Variants in FYN observed in about 807,000 individuals in gnomAD.
The protein encoded by FYN is FYN proto-oncogene, Src family tyrosine kinase, also known as tyrosine-protein kinase Fyn.
FYN carries 10 observed loss-of-function variants against 70.2 expected under a neutral mutation model. The observed-to-expected ratio is 0.14, with a 90% confidence interval of 0.09 to 0.24. The LOEUF is 0.24. Among genes scored for constraint, FYN ranks in the 10% least tolerant of loss-of-function variants. The pLI is 1.00. For synonymous variants in FYN, 236 were observed against 248.6 expected, an observed-to-expected ratio of 0.95 and a Z score of 0.48; for missense variants, 319 against 673.1, an observed-to-expected ratio of 0.47 and a Z score of 5.82.
At chr6:111,797,208 A>G (rs1278353682) in intron 2 of FYN, among the ~76,000 whole-genome samples, 1 of 152,228 alleles carries the variant, frequency 6.6e-6, no homozygotes, top group Non-Finnish European at 1.5e-5. Context: ...TTTTAGTTAA[A>G]TCAAATGGGA....
At chr6:111,709,754 C>T (rs991729174) in intron 5 of FYN, among the ~76,000 whole-genome samples, 1 of 152,018 alleles carries the variant, frequency 6.6e-6, no homozygotes, top group African/African-American at 2.4e-5. Flanking sequence ...TATATGAACC[C>T]CGTGAACCCA....
intron 12 of FYN, among the ~76,000 whole-genome samples, chr6:111,677,881 T>C (rs1045546834): frequency 1.3e-5 from 2 of 152,132 alleles, no homozygotes; most frequent in Non-Finnish European, 2.9e-5. Context: ...GATTTAGATA[T>C]GAAAACAGTT....
At chr6:111,715,597 G>A (rs1286476258) in intron 4 of FYN, among the ~76,000 whole-genome samples, 1 of 152,052 alleles carries the variant, frequency 6.6e-6, no homozygotes, top group Non-Finnish European at 1.5e-5. Context: ...CTTTGATGAA[G>A]CAAGGCGCCA....
intron 2 of FYN, among the ~76,000 whole-genome samples, chr6:111,822,867 G>A (rs2114373861): frequency 6.6e-6 from 1 of 152,196 alleles, no homozygotes; most frequent in East Asian, 1.9e-4. Flanking sequence ...TGTCAAAGAG[G>A]CAGAGGAGCA....
intron 3 of FYN, among the ~76,000 whole-genome samples, chr6:111,749,599 T>G (rs1355283118): frequency 1.3e-5 from 2 of 152,212 alleles, no homozygotes; most frequent in Non-Finnish European, 2.9e-5. Context: ...CTACCCTATT[T>G]CTTTTCATGT....
intron 1 of FYN, among the ~76,000 whole-genome samples, 188 bp downstream of exon 1, chr6:111,872,780 G>A (rs1020232694): frequency 6.6e-6 from 1 of 151,794 alleles, no homozygotes; most frequent in African/African-American, 2.4e-5. Flanking sequence ...CCGCAGGGGT[G>A]TCCTCCGGTG....
chr6:111,726,650 G>A (rs1253597763), intron 3 of FYN, among the ~76,000 whole-genome samples: 1 of 152,130 alleles, frequency 6.6e-6, no homozygotes, highest in East Asian at 1.9e-4. Context: ...TGGAGGTGTT[G>A]AGGGAAAAAT....
rs1797700379 is a variant in FYN at position 111,660,616 on chromosome 6, A to G, written c.*1123T>C. 6.6e-6 allele frequency: 1 copy of G among 152,252 alleles called. No individual in the cohort carries two copies. Among genetic ancestry groups the G allele is most frequent in the African/African-American group, 2.4e-5 (1 of 41,470 alleles). 9.4% of individuals were successfully genotyped at this position (152,252 alleles called of 1,614,324 possible). Reference sequence around the variant, plus strand: ...TTATTCCACTGGAGAACTCCTGGACATATAGAAAGTCATTCGTTAGCAGTA... The same window carrying G: ...TTATTCCACTGGAGAACTCCTGGACGTATAGAAAGTCATTCGTTAGCAGTA... On this transcript the variant is annotated 3_prime_UTR_variant, in exon 14 of 14. Transcript: ENST00000354650.
Position 111,807,578 on chromosome 6 carries a change from C to CT in FYN, c.-81-26944dup, listed in dbSNP as rs200234383. ...GCACAAAAAGCAGGGATCGAGTGCC[C>CT]TTTATCTAGTCACCTGTTCAGAGGG... On this transcript the variant is annotated intron_variant, in intron 2 of 13. Transcript: ENST00000354650. Among the ~76,000 whole-genome samples the CT allele has an allele frequency of 1.8e-4, 27 of 152,268 alleles. No homozygotes were observed. In the East Asian group the frequency reaches 4.2e-3, roughly 24 times the overall value.
chr6:111,762,205 T>C (rs913959516), intron 3 of FYN, among the ~76,000 whole-genome samples: 4 of 152,234 alleles, frequency 2.6e-5, no homozygotes, highest in Non-Finnish European at 5.9e-5. Context: ...TCCTGAGCTG[T>C]TGGCCACAGC....
chr6:111,740,149 T>C (rs1583390319), intron 3 of FYN, among the ~76,000 whole-genome samples: 1 of 152,152 alleles, frequency 6.6e-6, no homozygotes, highest in Admixed American at 6.5e-5. Context: ...TTTTAAATAA[T>C]TGAAAATGCT....
intron 2 of FYN, among the ~76,000 whole-genome samples, chr6:111,796,336 A>G (rs556133616): frequency 6.6e-6 from 1 of 152,146 alleles, no homozygotes; most frequent in Non-Finnish European, 1.5e-5. Context: ...TGCTTTTTCT[A>G]TGTTTAGATA....
intron 3 of FYN, among the ~76,000 whole-genome samples, chr6:111,778,542 T>C (rs1327653439): frequency 1.3e-5 from 2 of 152,072 alleles, no homozygotes; most frequent in Non-Finnish European, 2.9e-5. Context: ...TTCCTCACTT[T>C]CTTTTTTTCT....
Position 111,782,943 on chromosome 6 carries a change from T to C in FYN, c.-81-2308A>G, listed in dbSNP as rs368244706. Among the ~76,000 whole-genome samples, 165 of 152,258 alleles carry C rather than the reference T, an allele frequency of 1.1e-3. 1 individual carries two copies. Among genetic ancestry groups the C allele is most frequent in the African/African-American group, 3.7e-3 (154 of 41,554 alleles). ...ATTCCATGTCCCCTCCTGGGTGATG[T>C]TGTCTTTGCACATGAGGTCCAGGAC... is the stretch of plus-strand genomic sequence containing the variant. On this transcript the variant is annotated intron_variant, in intron 2 of 13. Coordinates refer to ENST00000354650, the MANE Select transcript of FYN (RefSeq NM_002037.5).
intron 1 of FYN, among the ~76,000 whole-genome samples, chr6:111,859,184 C>T (rs1045974710): frequency 1.4e-4 from 22 of 152,150 alleles, no homozygotes; most frequent in Admixed American, 7.9e-4. Context: ...TCCAAGCTCA[C>T]GCCCCTTCCA....
At chr6:111,789,621 A>G (rs1377022401) in intron 2 of FYN, among the ~76,000 whole-genome samples, 5 of 152,232 alleles carry the variant, frequency 3.3e-5, no homozygotes, top group Admixed American at 6.5e-5. Context: ...GCATACAGTT[A>G]TAATAATCAT....
chr6:111,799,754 C>A (rs889858896), intron 2 of FYN, among the ~76,000 whole-genome samples: 2 of 152,228 alleles, frequency 1.3e-5, no homozygotes, highest in African/African-American at 2.4e-5. Flanking sequence ...GGTGAATGGA[C>A]ATCTCCACTG....
chr6:111,702,652 A>G (rs761802104), intron 8 of FYN: 30 of 386,034 alleles, frequency 7.8e-5, no homozygotes, highest in Middle Eastern at 6.5e-4. Context: ...CTACTTGGGA[A>G]ACAAAAATAT....
chr6:111,824,541 T>C (rs374465859), intron 2 of FYN, among the ~76,000 whole-genome samples: 2 of 152,242 alleles, frequency 1.3e-5, no homozygotes, highest in Non-Finnish European at 1.5e-5. Context: ...CCTTTGTCTA[T>C]CTATAGTACA....
Sources: allele counts gnomAD v4.1 joint callset (sites outside exome capture counted in the v4.1 genomes callset), GRCh38; gene constraint gnomAD v4.1.1; transcripts MANE v1.5; gene names NCBI Gene and HGNC (gene_info 2026-07-23, HGNC 2026-07-21).